The following PRKG1 variants were observed in gnomAD, a reference collection of about 807,000 sequenced individuals.
PRKG1 encodes the protein cGMP-dependent protein kinase 1.
Under a neutral mutation model 88.1 loss-of-function variants are expected in PRKG1, and 35 were observed. The observed-to-expected ratio is 0.40, with a 90% confidence interval of 0.30 to 0.53. The LOEUF (loss-of-function observed/expected upper bound fraction) is 0.53. Among genes scored for constraint, PRKG1 ranks in the 20% least tolerant of loss-of-function variants. The pLI is 0.59. For missense variants in PRKG1, 540 were observed against 839.8 expected (o/e 0.64, Z 4.41); for synonymous variants, 303 against 292.5 (o/e 1.04, Z -0.37).
chr10:51,270,363 T>C (rs764316310), intron 2 of PRKG1, among the ~76,000 whole-genome samples: 3 of 152,146 alleles, frequency 2.0e-5, no homozygotes, highest in Non-Finnish European at 2.9e-5. Flanking sequence ...TTTTGGATTT[T>C]TTAAGAGTAA....
intron 4 of PRKG1, among the ~76,000 whole-genome samples, chr10:51,830,978 C>G (rs1479731352): frequency 6.6e-6 from 1 of 151,316 alleles, no homozygotes; most frequent in East Asian, 1.9e-4. Flanking sequence ...TGCCTTTTTC[C>G]TTACCAGTTC....
At chr10:52,279,076 C>T (rs1375852309) in intron 12 of PRKG1, among the ~76,000 whole-genome samples, 4 of 152,010 alleles carry the variant, frequency 2.6e-5, no homozygotes, top group African/African-American at 9.7e-5. Context: ...CAGATGCTTA[C>T]TCTTTAAGGT....
intron 1 of PRKG1, among the ~76,000 whole-genome samples, chr10:51,097,483 G>A (rs183026459): frequency 3.9e-4 from 59 of 152,148 alleles, no homozygotes; most frequent in African/African-American, 1.3e-3. Context: ...TTGGCTTCCC[G>A]AAGTGCTTGG....
intron 5 of PRKG1, among the ~76,000 whole-genome samples, chr10:52,048,148 GA>G (rs1270996211): frequency 6.6e-6 from 1 of 151,908 alleles, no homozygotes; most frequent in African/African-American, 2.4e-5. Flanking sequence ...CTGATCATTA[GA>G]AAAATGTCAA....
rs563764876 is a variant in PRKG1 at position 51,610,821 on chromosome 10, C to T, written c.592+142985C>T. 1.4e-4 allele frequency among the ~76,000 whole-genome samples: 22 copies of T among 152,106 alleles called. No individual in the cohort carries two copies. In the South Asian group the frequency reaches 4.4e-3, roughly 30 times the overall value. On this transcript the variant is annotated intron_variant, in intron 3 of 17. Coordinates refer to ENST00000373980, the MANE Select transcript of PRKG1 (RefSeq NM_006258.4). ...AAGCTAAACACTGCATGTTCTCACT[C>T]ATAAGTGGGAGTTGAACCATGAGAA... is the stretch of plus-strand genomic sequence containing the variant.
chr10:51,107,498 T>TA (rs1412154456), intron 1 of PRKG1, among the ~76,000 whole-genome samples: 1 of 151,692 alleles, frequency 6.6e-6, no homozygotes, highest in Non-Finnish European at 1.5e-5. Flanking sequence ...AAAAACAATA[T>TA]AAAAAATCAA....
At chr10:51,599,077 GAC>G (rs1838531034) in intron 3 of PRKG1, among the ~76,000 whole-genome samples, 1 of 152,164 alleles carries the variant, frequency 6.6e-6, no homozygotes, top group Non-Finnish European at 1.5e-5. Flanking sequence ...CTGAAAATTT[GAC>G]AGACTTTGGA....
intron 2 of PRKG1, among the ~76,000 whole-genome samples, chr10:51,218,490 CATATATATATATATATAT>C (rs869105973): frequency 4.7e-4 from 19 of 40,776 alleles, no homozygotes; most frequent in South Asian, 1.6e-3. Context: ...CATCTATCTT[CATATATATATATATATAT>C]ATATATATAT....
At position 51,941,938 on chromosome 10, in the gene PRKG1, G is replaced by A. The variant is rs370532451; in HGVS notation, c.762+34368G>A. 1.8e-4 allele frequency among the ~76,000 whole-genome samples: 28 copies of A among 151,938 alleles called. 4 individuals carry two copies. Among genetic ancestry groups the A allele is most frequent in the African/African-American group, 5.3e-4 (22 of 41,376 alleles). On this transcript the variant is annotated intron_variant, in intron 5 of 17. Coordinates refer to ENST00000373980, the MANE Select transcript of PRKG1 (RefSeq NM_006258.4). ...TATGTGTGCATGTCTTTATAGCAGC[G>A]TGATTTATAGTCCTTTGGGTATATA...
chr10:51,947,897 G>A (rs556999864), intron 5 of PRKG1, among the ~76,000 whole-genome samples: 111 of 152,252 alleles, frequency 7.3e-4, no homozygotes, highest in African/African-American at 2.4e-3. Context: ...AAAGAAACGT[G>A]AAGGAAAACT....
rs144763139 is a variant in PRKG1 at position 51,617,928 on chromosome 10, A to G, written c.592+150092A>G. On this transcript the variant is annotated intron_variant, in intron 3 of 17. Coordinates refer to ENST00000373980, the MANE Select transcript of PRKG1 (RefSeq NM_006258.4). ...AAACCTTTATCCAGACAATTTAAGC[A>G]TGAAATAACAGATGCAGAACATCTG... Among the ~76,000 whole-genome samples the G allele has an allele frequency of 1.2e-4, 19 of 152,374 alleles. No individual in the cohort carries two copies. In the East Asian group the frequency reaches 2.9e-3, roughly 23 times the overall value.
At chr10:51,697,899 C>T (rs1471473078) in intron 3 of PRKG1, 1 of 1,609,036 alleles carries the variant, frequency 6.2e-7, no homozygotes, top group African/African-American at 1.3e-5. Flanking sequence ...TGCTTGCTTG[C>T]CCCCTGTATA....
At position 51,735,554 on chromosome 10, in the gene PRKG1, AT is replaced by A. The variant is rs549101641; in HGVS notation, c.593-69029del. Among the ~76,000 whole-genome samples, 9 of 137,630 alleles carry A rather than the reference AT, an allele frequency of 6.5e-5. No individual in the cohort carries two copies. The South Asian group carries it at 2.0e-3, about 31-fold the overall frequency. 90.3% of individuals were successfully genotyped at this position (137,630 alleles called of 152,430 possible). On this transcript the variant is annotated intron_variant, in intron 3 of 17. Coordinates refer to ENST00000373980, the MANE Select transcript of PRKG1 (RefSeq NM_006258.4). ...AAAGAAACACAAGAAATATACAGGC[AT>A]TCCTCAGTATTTGTGGGGGGATTAT...
chr10:51,491,845 A>G (rs1840714940), intron 3 of PRKG1, among the ~76,000 whole-genome samples: 1 of 152,088 alleles, frequency 6.6e-6, no homozygotes, highest in Non-Finnish European at 1.5e-5. Flanking sequence ...GAGGTTTTGC[A>G]ATTTGGTCTT....
rs186984143 is a variant in PRKG1, at chr10:51,041,219, G to T, written c.266+49575G>T. Among the ~76,000 whole-genome samples the T allele has an allele frequency of 3.0e-4, 46 of 152,250 alleles. 1 individual carries two copies. In the East Asian group the frequency reaches 7.0e-3, roughly 23 times the overall value. ...AGGCTCTAGGTATCCCTTCCAGGTA[G>T]TGGGCTCCCTTCTGGTCCAGGGCAG... is the stretch of plus-strand genomic sequence containing the variant. On this transcript the variant is annotated intron_variant, in intron 1 of 17. Transcript: ENST00000401604.
chr10:51,848,196 A>C (rs1467335579), intron 4 of PRKG1, among the ~76,000 whole-genome samples: 1 of 152,286 alleles, frequency 6.6e-6, no homozygotes, highest in Non-Finnish European at 1.5e-5. Flanking sequence ...CAGGTATTGC[A>C]AGTTGGATAT....
Position 52,164,286 on chromosome 10 carries a change from G to A in PRKG1, c.1076+2323G>A, listed in dbSNP as rs533381137. Among the ~76,000 whole-genome samples, 8 of 152,146 alleles carry A rather than the reference G, an allele frequency of 5.3e-5. No individual in the cohort carries two copies. In the East Asian group the frequency reaches 1.5e-3, roughly 29 times the overall value. ...GAATCACTTGAACCTGGGAGGTGGA[G>A]GTTGCCGTGAGCCAAGACCGCGCCA... On this transcript the variant is annotated intron_variant, in intron 9 of 17. Coordinates refer to ENST00000373980, the MANE Select transcript of PRKG1 (RefSeq NM_006258.4).
At chr10:52,168,443 G>T (rs1838556783) in intron 9 of PRKG1, among the ~76,000 whole-genome samples, 1 of 152,140 alleles carries the variant, frequency 6.6e-6, no homozygotes, top group South Asian at 2.1e-4. Context: ...ATATGCCTGA[G>T]ACCTAGAACA....
intron 3 of PRKG1, among the ~76,000 whole-genome samples, chr10:51,527,556 A>T (rs1841913228): frequency 6.6e-6 from 1 of 152,214 alleles, no homozygotes; most frequent in Admixed American, 6.5e-5. Context: ...AGACTTGCTA[A>T]CTATGAGTTT....
Sources: allele counts gnomAD v4.1 joint callset (sites outside exome capture counted in the v4.1 genomes callset), GRCh38; gene constraint gnomAD v4.1.1; transcripts MANE v1.5; gene names NCBI Gene and HGNC (gene_info 2026-07-23, HGNC 2026-07-21).